AXL: variants seen among roughly 807,000 people sequenced by gnomAD.
AXL encodes tyrosine-protein kinase receptor UFO.
AXL carries 52 observed loss-of-function variants against 104.5 expected under a neutral mutation model. The observed-to-expected ratio is 0.50, with a 90% CI of 0.40 to 0.63. AXL has a LOEUF of 0.63. Among genes scored for constraint, AXL ranks in the 20% least tolerant of loss-of-function variants. AXL has a pLI of 0.00. For synonymous variants in AXL, 455 were observed against 473.7 expected (o/e 0.96, Z 0.51); for missense variants, 1,024 against 1,188.5 (o/e 0.86, Z 2.04).
chr19:41,252,291 G>T, intron 14 of AXL, 60 bp from the exon 15 acceptor site: 1 of 1,350,266 alleles, frequency 7.4e-7, no homozygotes, highest in Non-Finnish European at 1.1e-6. Flanking sequence ...TGGAGTGGAG[G>T]TGGAGGGAGA....
intron 10 of AXL, among the ~76,000 whole-genome samples, chr19:41,240,072 T>A (rs944122170): frequency 6.6e-6 from 1 of 150,532 alleles, no homozygotes; most frequent in African/African-American, 2.4e-5. Context: ...AATGGATGGG[T>A]AGATGGATGG....
intron 4 of AXL, among the ~76,000 whole-genome samples, chr19:41,228,424 C>G (rs749132627): frequency 1.3e-5 from 2 of 151,966 alleles, no homozygotes; most frequent in Non-Finnish European, 2.9e-5. Context: ...CATGGTGGCG[C>G]GCTCCTGTAA....
intron 12 of AXL, among the ~76,000 whole-genome samples, chr19:41,245,977 C>A (rs1370448187): frequency 6.6e-6 from 1 of 152,188 alleles, no homozygotes; most frequent in African/African-American, 2.4e-5. Context: ...GAGACCTTTG[C>A]AGGGGGCCCA....
intron 19 of AXL, among the ~76,000 whole-genome samples, chr19:41,258,916 C>A (rs1043460459): frequency 2.6e-5 from 4 of 152,234 alleles, no homozygotes; most frequent in African/African-American, 9.7e-5. Context: ...CTGCAGTCAT[C>A]TGAAGGTTGG....
rs944225863 is a variant in AXL at position 41,253,104 on chromosome 19, C to T, written c.1926+137C>T. On this transcript the variant is annotated intron_variant, in intron 16 of 19. Transcript: ENST00000301178. ...AGCATTTCTTCCAGCAGGGGAGGGG[C>T]GGATGATAAACAAGCTAATAAATAC... 70 of 900,442 alleles carry T rather than the reference C, an allele frequency of 7.8e-5. 1 individual carries two copies. The highest frequency in any genetic ancestry group is 3.6e-4 in the Admixed American group (13 of 35,684). 55.8% of individuals were successfully genotyped at this position (900,442 alleles called of 1,614,324 possible).
At chr19:41,255,657 T>C (rs1599743622) in intron 17 of AXL, among the ~76,000 whole-genome samples, 1 of 152,052 alleles carries the variant, frequency 6.6e-6, no homozygotes, top group South Asian at 2.1e-4. Context: ...TCCAGGCTGG[T>C]CTTGAACTCC....
At position 41,259,722 on chromosome 19, in the gene AXL, G is replaced by C. The variant is rs1428502279; in HGVS notation, c.2503G>C (p.Gly835Arg). The C allele has an allele frequency of 6.2e-7, 1 of 1,613,940 alleles. No homozygotes were observed. Among genetic ancestry groups the C allele is most frequent in the Non-Finnish European group, 8.5e-7 (1 of 1,179,996 alleles). The change falls in exon 20 of 20, where the codon GGA becomes CGA. Residue 835 changes from glycine to arginine, a missense_variant. Gly to Arg is a moderately radical substitution (Grantham distance 125). Transcript: ENST00000301178. ...GGGTGGAGGTTATCCTGAACCCCCT[G>C]GAGCTGCAGGAGGAGCTGACCCCCC... ...DEGGGYPEPP[G>R]AAGGADPPTQ...
chr19:41,235,047 A>G (rs1314805133), intron 6 of AXL, among the ~76,000 whole-genome samples: 1 of 152,174 alleles, frequency 6.6e-6, no homozygotes, highest in Non-Finnish European at 1.5e-5. Context: ...TTGCCAGGAA[A>G]CACACATAAA....
rs761731744 is a variant in AXL at position 41,259,848 on chromosome 19, G to C, written c.2629G>C (p.Ala877Pro). 6.2e-7 allele frequency: 1 copy of C among 1,609,300 alleles called. No homozygotes were observed. The highest frequency in any genetic ancestry group is 2.2e-5 in the East Asian group (1 of 44,822). Residue 877 changes from alanine (A) to proline (P), a missense_variant, in exon 20 of 20, where the codon GCT (alanine) becomes CCT (proline). Physicochemically the swap from Ala to Pro is conservative, Grantham distance 27 (BLOSUM62 -1). Coordinates refer to ENST00000301178, the MANE Select transcript of AXL (RefSeq NM_021913.5). ...CTGCCCTTCCACAACCCCTAGCCCC[G>C]CTCAGCCTGCTGATAGGGGCTCCCC... ...VLCPSTTPSP[A>P]QPADRGSPAA... is the part of the protein sequence containing the mutation.
rs757927991 is a variant in AXL at position 41,231,007 on chromosome 19, C to T, written c.627C>T (p.Asn209=). The T allele has an allele frequency of 4.2e-5, 68 of 1,613,828 alleles. No individual in the cohort carries two copies. Among genetic ancestry groups the T allele is most frequent in the East Asian group, 6.7e-5 (3 of 44,886 alleles). ...CCTCTTTCTCCTGCGAAGCCCATAA[C>T]GCCAAGGGGGTCACCACATCCCGCA... is the stretch of plus-strand genomic sequence containing the variant. ...KTSSFSCEAH[N]AKGVTTSRTA... is the part of the protein sequence containing the mutation. Residue 209 remains asparagine (N), a synonymous_variant, in exon 5 of 20, where the codon AAC becomes AAT. Coordinates refer to ENST00000301178, the MANE Select transcript of AXL (RefSeq NM_021913.5).
intron 6 of AXL, 64 bp downstream of exon 6, chr19:41,231,362 C>T (rs2122220297): frequency 7.0e-7 from 1 of 1,426,318 alleles, no homozygotes; most frequent in South Asian, 1.3e-5. Context: ...CCACAACCCC[C>T]ATCCTCTCCC....
intron 10 of AXL, among the ~76,000 whole-genome samples, chr19:41,242,194 G>A (rs1846848134): frequency 6.6e-6 from 1 of 151,804 alleles, no homozygotes; most frequent in South Asian, 2.1e-4. Context: ...TTTGGATCTT[G>A]GTGGCATAAT....
intron 12 of AXL, among the ~76,000 whole-genome samples, chr19:41,244,551 C>T (rs894032955): frequency 2.0e-5 from 3 of 151,982 alleles, no homozygotes; most frequent in African/African-American, 7.3e-5. Context: ...ACAATCTCAG[C>T]TCACTGCAAC....
chr19:41,233,149 C>T (rs139423563), intron 6 of AXL, among the ~76,000 whole-genome samples: 5,284 of 151,922 alleles, frequency 0.035, 325 homozygotes, highest in African/African-American at 0.12. Flanking sequence ...ACCACCACGC[C>T]CAGCTAATTT....
Position 41,252,347 on chromosome 19 carries a change from C to T in AXL, c.1712-4C>T. 6.2e-7 allele frequency: 1 copy of T among 1,613,600 alleles called. No individual in the cohort carries two copies. Among genetic ancestry groups the T allele is most frequent in the Non-Finnish European group, 8.5e-7 (1 of 1,179,802 alleles). Reference sequence around the variant, plus strand: ...CTCCTCACGACCTTTCTCTCTCCCTCAAGTTGCCATCTGCACGAGGTCAGA... The same window carrying T: ...CTCCTCACGACCTTTCTCTCTCCCTTAAGTTGCCATCTGCACGAGGTCAGA... On this transcript the variant is annotated splice_region_variant and splice_polypyrimidine_tract_variant and intron_variant, in intron 14 of 19. Transcript: ENST00000301178.
chr19:41,233,335 T>G (rs2034025066), intron 6 of AXL, among the ~76,000 whole-genome samples: 1 of 151,862 alleles, frequency 6.6e-6, no homozygotes. Flanking sequence ...AGGAATTGTC[T>G]TATACTTACA....
At chr19:41,238,424 C>T in intron 7 of AXL, 46 bp from the exon 8 acceptor site, 1 of 1,591,160 alleles carries the variant, frequency 6.3e-7, no homozygotes, top group Non-Finnish European at 8.6e-7. Flanking sequence ...GGGAGGGGGT[C>T]AGGAAGAGGT....
intron 2 of AXL, 57 bp from the exon 3 acceptor site, chr19:41,221,089 C>T: frequency 6.6e-7 from 1 of 1,510,242 alleles, no homozygotes; most frequent in South Asian, 1.2e-5. Flanking sequence ...TGACAGACCC[C>T]CTCCCAGTGT....
At position 41,252,802 on chromosome 19, in the gene AXL, C is replaced by T. The variant is rs944152708; in HGVS notation, c.1805-44C>T. On this transcript the variant is annotated intron_variant, in intron 15 of 19. Coordinates refer to ENST00000301178, the MANE Select transcript of AXL (RefSeq NM_021913.5). Reference sequence around the variant, plus strand: ...GCTGGCTGGTGGGGGGCTTGGCTTCCCCTTCTGCCCAGCAGGAGTGACAGG... The same window carrying T: ...GCTGGCTGGTGGGGGGCTTGGCTTCTCCTTCTGCCCAGCAGGAGTGACAGG... 5.0e-6 allele frequency: 8 copies of T among 1,610,084 alleles called. No homozygotes were observed. In the African/African-American group the frequency reaches 9.4e-5, roughly 19 times the overall value.
Sources: gnomAD v4.1 joint callset for allele counts (sites outside exome capture counted in the v4.1 genomes callset) on GRCh38, gnomAD v4.1.1 for gene constraint, MANE v1.5 for transcripts, NCBI Gene and HGNC (gene_info 2026-07-23, HGNC 2026-07-21) for gene names.